HEPH: variants seen among roughly 807,000 people sequenced by gnomAD.
The protein encoded by HEPH is hephaestin.
In HEPH, 69 loss-of-function variants were observed where a neutral mutation model predicts 80.8. The observed-to-expected ratio is 0.85, with a 90% CI of 0.70 to 1.04. HEPH has a LOEUF of 1.04. HEPH is among the 50% of genes least tolerant of loss of function. The pLI is 0.00. For synonymous variants in HEPH, 431 were observed against 322.8 expected, an observed-to-expected ratio of 1.34 and a Z score of -3.60; for missense variants, 1,115 against 891.3, an observed-to-expected ratio of 1.25 and a Z score of -3.20.
chrX:66,235,951 G>A (rs774076219), intron 15 of HEPH, among the ~76,000 whole-genome samples: 28 of 111,746 alleles, frequency 2.5e-4, no homozygotes, highest in Non-Finnish European at 4.5e-4. Flanking sequence ...GTATAGGAAT[G>A]CTAGTGATTT....
intron 4 of HEPH, 94 bp from the exon 5 acceptor site, chrX:66,188,265 C>A: frequency 1.6e-6 from 1 of 610,351 alleles, no homozygotes; most frequent in South Asian, 3.5e-5. Flanking sequence ...TCTTAAGACC[C>A]CTCTCTTTCT....
At chrX:66,243,761 A>G (rs1235802783) in intron 15 of HEPH, among the ~76,000 whole-genome samples, 4 of 112,443 alleles carry the variant, frequency 3.6e-5, no homozygotes, top group Admixed American at 9.4e-5. Flanking sequence ...TATAGTGTCA[A>G]TGGTCTACGT....
At chrX:66,181,892 G>C (rs1364002460) in intron 4 of HEPH, among the ~76,000 whole-genome samples, 1 of 106,874 alleles carries the variant, frequency 9.4e-6, no homozygotes. Flanking sequence ...TGTAAGGAAG[G>C]GATCCAGTTT....
At chrX:66,264,173 G>A (rs1212961398) in intron 20 of HEPH, among the ~76,000 whole-genome samples, 1 of 108,327 alleles carries the variant, frequency 9.2e-6, no homozygotes, top group Non-Finnish European at 1.9e-5. Flanking sequence ...GGTGATGGGT[G>A]CCCTAAAATC....
chrX:66,213,120 G>A (rs1219143342), intron 15 of HEPH, among the ~76,000 whole-genome samples: 1 of 108,888 alleles, frequency 9.2e-6, no homozygotes, highest in African/African-American at 3.3e-5. Flanking sequence ...TGACATGCTG[G>A]TGCGCTGTAC....
At chrX:66,231,511 T>A (rs2090140113) in intron 15 of HEPH, among the ~76,000 whole-genome samples, 1 of 110,282 alleles carries the variant, frequency 9.1e-6, no homozygotes, top group African/African-American at 3.3e-5. Flanking sequence ...TATGTTGGAT[T>A]CCTAGGTATT....
At chrX:66,162,843 T>G, upstream of HEPH, 1 of 1,156,049 alleles carries the variant, frequency 8.7e-7, no homozygotes, top group Non-Finnish European at 1.1e-6. Context: ...TGGAGAAAAG[T>G]GTCTGCTCCT....
chrX:66,207,281 C>G lies in HEPH; in HGVS notation c.2378C>G (p.Thr793Arg), dbSNP rs757831190. Residue 793 changes from threonine (T) to arginine (R), a missense_variant, in exon 14 of 21, where the codon ACA becomes AGA. By Grantham distance (71) the Thr-to-Arg change is moderately conservative. This residue lies in a region of HEPH where 716 missense variants were observed against 523.5 expected (regional missense o/e 1.37). Transcript: ENST00000343002. Reference protein sequence around the residue: ...KAVFREYTDGTFRIPRPRTGP... With the variant: ...KAVFREYTDGRFRIPRPRTGP... Reference sequence around the variant, plus strand: ...GTATTCAGGGAATACACTGATGGTACATTCAGGATCCCTCGGCCAAGGACT... The same window carrying G: ...GTATTCAGGGAATACACTGATGGTAGATTCAGGATCCCTCGGCCAAGGACT... The G allele has an allele frequency of 1.3e-5, 15 of 1,199,065 alleles. No individual in the cohort carries two copies. In the African/African-American group the frequency reaches 2.5e-4, roughly 20 times the overall value.
intron 15 of HEPH, among the ~76,000 whole-genome samples, chrX:66,219,109 A>G (rs940257512): frequency 8.9e-6 from 1 of 112,237 alleles, no homozygotes; most frequent in Admixed American, 9.4e-5. Context: ...AGTGATTCAT[A>G]TAGTACACTT....
rs1179730350 is a variant in HEPH, at chrX:66,208,187, C to T, written c.2504C>T (p.Ser835Phe). 1 of 1,207,847 alleles carries T rather than the reference C, an allele frequency of 8.3e-7. No homozygotes were observed. The highest frequency in any genetic ancestry group is 1.1e-6 in the Non-Finnish European group (1 of 892,319). ...AAGAATAATGCCAGCCGCCCCTACT[C>T]TGTGCATGCTCATGGAGTGCTAGAA... is the stretch of plus-strand genomic sequence containing the variant. ...VFKNNASRPYSVHAHGVLEST... is the reference protein window; with the variant it reads ...VFKNNASRPYFVHAHGVLEST... The change falls in exon 15 of 21, where the codon TCT becomes TTT. Residue 835 changes from serine to phenylalanine, a missense_variant. Ser to Phe is a radical substitution (Grantham distance 155). Around this residue, in one of 3 missense-constraint regions of HEPH, gnomAD observed 716 missense variants for 523.5 expected, o/e 1.37. Transcript: ENST00000343002.
intron 2 of HEPH, chrX:66,171,413 A>G: frequency 8.0e-6 from 1 of 125,558 alleles, no homozygotes; most frequent in Admixed American, 8.9e-5. Context: ...TCTTCTCACC[A>G]CTCTGTCCCT....
At chrX:66,166,087 G>A (rs770305654) in intron 1 of HEPH, among the ~76,000 whole-genome samples, 1 of 111,813 alleles carries the variant, frequency 8.9e-6, no homozygotes, top group Admixed American at 9.5e-5. Flanking sequence ...ACTTGTTCAA[G>A]GTTATATAAC....
In HEPH at chrX:66,202,284, G is replaced by A. The variant is rs764227051; in HGVS notation, c.2078-1080G>A. Among the ~76,000 whole-genome samples, 8 of 111,756 alleles carry A rather than the reference G, an allele frequency of 7.2e-5. No homozygotes were observed. In the South Asian group the frequency reaches 3.0e-3, roughly 43 times the overall value. On this transcript the variant is annotated intron_variant, in intron 12 of 20. Coordinates refer to ENST00000343002, the MANE Select transcript of HEPH (RefSeq NM_001367233.3). ...ACAGTCAGAGTTCCATGTAGTTGGA[G>A]TGCTAGTTGAGTTTGAGACAATGTG...
At chrX:66,205,787 GT>G (rs2088737895) in intron 13 of HEPH, among the ~76,000 whole-genome samples, 1 of 110,094 alleles carries the variant, frequency 9.1e-6, no homozygotes, top group African/African-American at 3.3e-5. Flanking sequence ...GGGGTGATTT[GT>G]TTTTTGCTTG....
chrX:66,187,891 AT>A lies in HEPH; in HGVS notation c.626-460del, dbSNP rs756378467. On this transcript the variant is annotated intron_variant, in intron 4 of 20. Transcript: ENST00000343002. ...AAAACACCAAACTTTTCTCCTTTTT[AT>A]TTTTTTTCTTGCTTCACTTTTAAAT... Among the ~76,000 whole-genome samples the A allele has an allele frequency of 6.3e-5, 7 of 111,419 alleles. No homozygotes were observed. The East Asian group carries it at 8.4e-4, about 13-fold the overall frequency.
In HEPH at chrX:66,263,794, A is replaced by G. The variant is rs768640361; in HGVS notation, c.3244+106A>G. The G allele has an allele frequency of 1.3e-4, 92 of 733,408 alleles. No homozygotes were observed. The South Asian group carries it at 2.4e-3, about 19-fold the overall frequency. The allele number at this position is 733,408 out of a possible 1,213,427, so 60.4% of individuals were successfully genotyped here. The stretch of plus-strand genomic sequence containing the variant: ...GGGACTTATGTGACTGAGAGTTAGA[A>G]TACATCAGCAGAAAGTATCCTGAGA... On this transcript the variant is annotated intron_variant, in intron 20 of 20. Transcript: ENST00000343002.
intron 15 of HEPH, among the ~76,000 whole-genome samples, chrX:66,232,887 C>G (rs774391988): frequency 1.1e-4 from 12 of 109,960 alleles, no homozygotes; most frequent in Admixed American, 6.8e-4. Context: ...AGCTTTTGCT[C>G]TGTCATAGTG....
chrX:66,208,060 C>T (rs776793513), intron 14 of HEPH, 55 bp from the exon 15 acceptor site: 1 of 943,218 alleles, frequency 1.1e-6, no homozygotes, highest in Non-Finnish European at 1.5e-6. Context: ...TTAATGCTCC[C>T]TGTGCTCCTG....
At chrX:66,211,532 C>T (rs2089118537) in intron 15 of HEPH, among the ~76,000 whole-genome samples, 1 of 111,475 alleles carries the variant, frequency 9.0e-6, no homozygotes, top group South Asian at 3.8e-4. Flanking sequence ...TACCTTTCCA[C>T]TCTTCACTTC....
Sources: gnomAD v4.1 joint callset for allele counts (sites outside exome capture counted in the v4.1 genomes callset) on GRCh38, gnomAD v4.1.1 for gene constraint, gnomAD v4.1.1 regional missense constraint, MANE v1.5 for transcripts, NCBI Gene and HGNC (gene_info 2026-07-23, HGNC 2026-07-21) for gene names.